PCDHA3: variants seen among roughly 807,000 people sequenced by gnomAD.
PCDHA3 encodes protocadherin alpha-3.
PCDHA3 carries 41 observed loss-of-function variants against 62.2 expected under a neutral mutation model. The ratio of observed to expected loss-of-function variants is 0.66; its 90% CI spans 0.51 to 0.86. PCDHA3 has a LOEUF of 0.86. Ranked by LOEUF, PCDHA3 falls within the 40% of genes least tolerant of loss-of-function variation. PCDHA3 has a pLI of 0.00. For synonymous variants in PCDHA3, 640 were observed against 555.4 expected (o/e 1.15, Z -2.14); for missense variants, 1,304 against 1,241.2 (o/e 1.05, Z -0.76).
intron 1 of PCDHA3, among the ~76,000 whole-genome samples, chr5:140,924,902 AAAAT>A (rs1239542905): frequency 0.13 from 4,984 of 38,732 alleles, 244 homozygotes; most frequent in African/African-American, 0.34. Flanking sequence ...CTCAAAAAAA[AAAAT>A]AAAATAAAAT....
intron 1 of PCDHA3, chr5:140,823,671 A>G: frequency 1.2e-6 from 2 of 1,614,028 alleles, no homozygotes; most frequent in Non-Finnish European, 1.7e-6. Context: ...AGATCAGCAC[A>G]ACACGCTCTC....
rs1181664726 is a variant in PCDHA3 at position 140,982,480 on chromosome 5, T to C, written c.2459T>C (p.Val820Ala). ...GGGTCTGTGTGTTTATTCAGCTCTG[T>C]GCACCTAGAGGAGGCTGGCATTCTA... ...ASLRAGMHSS[V>A]HLEEAGILRA... is the part of the protein sequence containing the mutation. The change falls in exon 3 of 4, where the codon GTG (valine) becomes GCG (alanine). Residue 820 changes from valine (V) to alanine (A), a missense_variant. Coordinates refer to ENST00000522353, the MANE Select transcript of PCDHA3 (RefSeq NM_018906.3). 5.0e-6 allele frequency: 8 copies of C among 1,614,216 alleles called. No individual in the cohort carries two copies. Among genetic ancestry groups the C allele is most frequent in the Non-Finnish European group, 6.8e-6 (8 of 1,180,038 alleles).
Position 140,910,416 on chromosome 5 carries a change from A to G in PCDHA3, c.2395-68533A>G, listed in dbSNP as rs191093101. Among the ~76,000 whole-genome samples, 67 of 152,280 alleles carry G rather than the reference A, an allele frequency of 4.4e-4. No individual in the cohort carries two copies. In the East Asian group the frequency reaches 0.013, roughly 28 times the overall value. ...CTGGCCCCTGCCACCTCGAGATCCAATTATTCCCATTGCATTTAAGTTTTG... is the reference window on the plus strand; with the variant it reads ...CTGGCCCCTGCCACCTCGAGATCCAGTTATTCCCATTGCATTTAAGTTTTG... On this transcript the variant is annotated intron_variant, in intron 1 of 3. Coordinates refer to ENST00000522353, the MANE Select transcript of PCDHA3 (RefSeq NM_018906.3).
At chr5:140,969,733 T>C (rs1299165103) in intron 1 of PCDHA3, among the ~76,000 whole-genome samples, 1 of 152,242 alleles carries the variant, frequency 6.6e-6, no homozygotes, top group Non-Finnish European at 1.5e-5. Context: ...TTTGAAATCC[T>C]ATATGAGTGA....
intron 1 of PCDHA3, chr5:140,853,410 G>A (rs1291135105): frequency 1.0e-6 from 1 of 986,108 alleles, no homozygotes; most frequent in African/African-American, 1.8e-5. Context: ...AAACAGAGAG[G>A]TGAAAGCAGA....
chr5:140,890,439 A>G (rs114755692), intron 1 of PCDHA3, among the ~76,000 whole-genome samples: 1 of 152,210 alleles, frequency 6.6e-6, no homozygotes, highest in Non-Finnish European at 1.5e-5. Context: ...TACAATACCT[A>G]GTGATATCTT....
Position 140,920,894 on chromosome 5 carries a change from T to G in PCDHA3, c.2395-58055T>G, listed in dbSNP as rs114918834. Among the ~76,000 whole-genome samples the G allele has an allele frequency of 2.6e-3, 390 of 151,496 alleles. 2 individuals carry two copies. The highest frequency in any genetic ancestry group is 9.2e-3 in the African/African-American group (379 of 41,284). Reference sequence around the variant, plus strand: ...GTGGCCCTTAGAACTTAAAGTCATATTTTGGTTCTCAAATCAGTTCCAAGA... The same window carrying G: ...GTGGCCCTTAGAACTTAAAGTCATAGTTTGGTTCTCAAATCAGTTCCAAGA... On this transcript the variant is annotated intron_variant, in intron 1 of 3. Coordinates refer to ENST00000522353, the MANE Select transcript of PCDHA3 (RefSeq NM_018906.3).
chr5:140,938,810 C>G (rs1182517488), intron 1 of PCDHA3, among the ~76,000 whole-genome samples: 1 of 152,030 alleles, frequency 6.6e-6, no homozygotes, highest in Non-Finnish European at 1.5e-5. Context: ...ACCACAAACC[C>G]CTGTGACATG....
intron 1 of PCDHA3, among the ~76,000 whole-genome samples, chr5:140,820,122 T>C (rs1227258253): frequency 6.6e-6 from 1 of 151,978 alleles, no homozygotes; most frequent in Non-Finnish European, 1.5e-5. Flanking sequence ...TTTTTAACCA[T>C]TGTGTATTAA....
At chr5:140,850,016 C>T (rs2150463409) in intron 1 of PCDHA3, 1 of 1,596,912 alleles carries the variant, frequency 6.3e-7, no homozygotes, top group Non-Finnish European at 8.6e-7. Context: ...TGTCGAGCTA[C>T]GTGTCAGTGC....
intron 1 of PCDHA3, chr5:140,807,065 A>G (rs1763837817): frequency 8.9e-7 from 1 of 1,125,474 alleles, no homozygotes; most frequent in Non-Finnish European, 1.3e-6. Context: ...ACTGGAAGGA[A>G]CCATATACAC....
chr5:140,929,226 C>T (rs782065898), intron 1 of PCDHA3: 14 of 1,613,766 alleles, frequency 8.7e-6, no homozygotes, highest in African/African-American at 5.3e-5. Flanking sequence ...ACAATGCTGC[C>T]GACCTGCGAA....
At chr5:140,964,173 C>A (rs1052958313) in intron 1 of PCDHA3, among the ~76,000 whole-genome samples, 5 of 152,174 alleles carry the variant, frequency 3.3e-5, no homozygotes, top group Non-Finnish European at 7.4e-5. Context: ...GGAACGAAAT[C>A]ATTATAGTGC....
intron 1 of PCDHA3, among the ~76,000 whole-genome samples, chr5:140,972,657 CA>C (rs1342092810): frequency 2.8e-5 from 4 of 143,798 alleles, no homozygotes; most frequent in South Asian, 4.5e-4. Context: ...AAAAAGAAAC[CA>C]AATTTTTTTT....
At chr5:140,871,707 G>A (rs2053270634) in intron 1 of PCDHA3, 9 of 843,502 alleles carry the variant, frequency 1.1e-5, no homozygotes, top group Non-Finnish European at 1.6e-5. Flanking sequence ...ACCAATAAAT[G>A]TCCTATTTCT....
chr5:140,968,866 A>C, intron 1 of PCDHA3: 1 of 1,614,230 alleles, frequency 6.2e-7, no homozygotes, highest in Non-Finnish European at 8.5e-7. Context: ...GCCCTCGGAC[A>C]TACTCTGAAA....
chr5:140,835,640 C>T (rs2150240382), intron 1 of PCDHA3: 4 of 1,613,770 alleles, frequency 2.5e-6, no homozygotes, highest in Admixed American at 3.3e-5. Flanking sequence ...AGAGTGTGTC[C>T]GCCTATGAGC....
At chr5:140,890,688 T>C (rs570229410) in intron 1 of PCDHA3, among the ~76,000 whole-genome samples, 4 of 152,334 alleles carry the variant, frequency 2.6e-5, no homozygotes, top group Admixed American at 2.6e-4. Flanking sequence ...TTCTGGGAAA[T>C]GCAGGGACCT....
chr5:140,853,955 T>C (rs1554146923), intron 1 of PCDHA3: 2 of 752,526 alleles, frequency 2.7e-6, no homozygotes, highest in Non-Finnish European at 3.3e-6. Context: ...GGTCCCTTCC[T>C]TGAGCCCAGC....
Sources: allele counts gnomAD v4.1 joint callset (sites outside exome capture counted in the v4.1 genomes callset), GRCh38; gene constraint gnomAD v4.1.1; transcripts MANE v1.5; gene names NCBI Gene and HGNC (gene_info 2026-07-23, HGNC 2026-07-21).